Variants in TPR observed in about 807,000 individuals in gnomAD.
TPR encodes the protein translocated promoter region, nuclear basket protein.
A neutral mutation model predicts 316.1 loss-of-function variants in TPR; 51 were observed. The ratio of observed to expected loss-of-function variants is 0.16; its 90% CI spans 0.13 to 0.20. The LOEUF (loss-of-function observed/expected upper bound fraction) is 0.20, where lower values mean the gene tolerates loss of function less well. TPR is among the 10% of genes least tolerant of loss of function. The probability of loss-of-function intolerance (pLI) is 1.00; values close to 1 mark genes in which losing one functional copy is unlikely to be tolerated. For missense variants in TPR, 2,272 were observed against 2,754.8 expected (o/e 0.82, Z 3.92); for synonymous variants, 981 against 914.7 (o/e 1.07, Z -1.31).
At chr1:186,360,659 T>G in intron 10 of TPR, 106 bp downstream of exon 10, 1 of 1,417,874 alleles carries the variant, frequency 7.1e-7, no homozygotes, top group Non-Finnish European at 9.6e-7. Flanking sequence ...CGATGGAGTT[T>G]CCTACATCAC....
intron 37 of TPR, among the ~76,000 whole-genome samples, chr1:186,332,914 A>T (rs534072711): frequency 2.6e-5 from 4 of 152,170 alleles, no homozygotes; most frequent in Non-Finnish European, 5.9e-5. Context: ...AAATGTTAGT[A>T]ATATATTCAT....
chr1:186,349,389 T>C (rs1392866069), intron 21 of TPR, among the ~76,000 whole-genome samples: 10 of 152,094 alleles, frequency 6.6e-5, no homozygotes, highest in Non-Finnish European at 1.0e-4. Context: ...CGCTGTGGCT[T>C]ACGCCTGTAA....
chr1:186,374,030 T>C (rs1226079523), intron 1 of TPR, among the ~76,000 whole-genome samples: 1 of 152,240 alleles, frequency 6.6e-6, no homozygotes, highest in Non-Finnish European at 1.5e-5. Context: ...TATACTCAGC[T>C]CTGGGATCAG....
chr1:186,315,232 A>AC (rs1334681707), intron 49 of TPR, among the ~76,000 whole-genome samples: 1 of 151,812 alleles, frequency 6.6e-6, no homozygotes, highest in East Asian at 1.9e-4. Flanking sequence ...AAACAAACAA[A>AC]AAAAAAACAC....
chr1:186,342,181 G>GCC (rs1658529622), intron 27 of TPR: 1 of 152,234 alleles, frequency 6.6e-6, no homozygotes, highest in Admixed American at 6.6e-5. Context: ...CACCGTGTTA[G>GCC]CCAGGATGGT....
In TPR at chr1:186,312,038, CCATT is replaced by C. The variant is rs1657285288; in HGVS notation, c.*1929_*1932del. On this transcript the variant is annotated 3_prime_UTR_variant, in exon 51 of 51. Coordinates refer to ENST00000367478, the MANE Select transcript of TPR (RefSeq NM_003292.3). ...TTTTTATAATACCCTTGACTAATAG[CCATT>C]ATTAATATCAATATATTATATGAAA... The C allele has an allele frequency of 3.0e-6, 2 of 672,208 alleles. No homozygotes were observed. Among genetic ancestry groups the C allele is most frequent in the Non-Finnish European group, 5.0e-6 (2 of 396,114 alleles). The allele number at this position is 672,208 out of a possible 1,614,324, so 41.6% of individuals were successfully genotyped here. A position where few individuals can be genotyped will look rare whatever the true frequency, so the allele number is the denominator to read the frequency against.
At position 186,355,648 on chromosome 1, in the gene TPR, G is replaced by A; in HGVS notation, c.2009C>T (p.Ala670Val). 6.2e-7 allele frequency: 1 copy of A among 1,614,112 alleles called. No individual in the cohort carries two copies. Among genetic ancestry groups the A allele is most frequent in the East Asian group, 2.2e-5 (1 of 44,858 alleles). ...TGTGATCTTTACCTGTTTAAGGGCA[G>A]CCTTAGCCTCTATAGCCTCTGTTGA... ...IESTEAIEAKAALKQLQEIFE... is the reference protein window; with the variant it reads ...IESTEAIEAKVALKQLQEIFE... Residue 670 changes from alanine to valine, a missense_variant, in exon 16 of 51, where the codon GCT becomes GTT. Transcript: ENST00000367478.
intron 27 of TPR, 158 bp downstream of exon 27, chr1:186,343,168 C>CTATACTA: frequency 1.1e-6 from 1 of 919,852 alleles, no homozygotes; most frequent in East Asian, 2.8e-5. Context: ...CTTTTAAGCA[C>CTATACTA]TATACTATAT....
At chr1:186,366,841 ACTAT>A (rs1659359426) in intron 4 of TPR, among the ~76,000 whole-genome samples, 2 of 151,956 alleles carry the variant, frequency 1.3e-5, no homozygotes, top group African/African-American at 2.4e-5. Context: ...TTTTTAAAAA[ACTAT>A]CTATTAAATA....
At chr1:186,325,884 CAAATA>C in intron 41 of TPR, 30 bp from the exon 42 acceptor site, 1 of 1,599,598 alleles carries the variant, frequency 6.3e-7, no homozygotes, top group African/African-American at 1.3e-5. Flanking sequence ...ACATAATGCT[CAAATA>C]AAATAAATAT....
chr1:186,365,526 C>G lies in TPR; in HGVS notation c.428-2081G>C, dbSNP rs143412995. On this transcript the variant is annotated intron_variant, in intron 4 of 50. Transcript: ENST00000367478. ...CATGTTTCTAATTCAGCCTTTAGAT[C>G]AGGAGTCATAAGGACCTTTACGGCT... Among the ~76,000 whole-genome samples, 6 of 152,222 alleles carry G rather than the reference C, an allele frequency of 3.9e-5. No individual in the cohort carries two copies. The East Asian group carries it at 1.2e-3, about 29-fold the overall frequency.
Position 186,334,427 on chromosome 1 carries a change from T to A in TPR, c.5080A>T (p.Arg1694Trp). 6.2e-7 allele frequency: 1 copy of A among 1,613,738 alleles called. No individual in the cohort carries two copies. The highest frequency in any genetic ancestry group is 8.5e-7 in the Non-Finnish European group (1 of 1,179,762). ...AAMAGNKSTP[R>W]ASIRPMVTPA... ...GTAACCATTGGGCGGATACTAGCCC[T>A]GGGTGTTGACTTATTTCCAGCCATA... Residue 1694 changes from arginine (R) to tryptophan (W), a missense_variant, in exon 36 of 51, where the codon AGG becomes TGG. This residue lies in a region of TPR where 109 missense variants were observed against 215.3 expected (regional missense o/e 0.51). Coordinates refer to ENST00000367478, the MANE Select transcript of TPR (RefSeq NM_003292.3).
chr1:186,335,126 G>T lies in TPR; in HGVS notation c.4915C>A (p.Pro1639Thr). The T allele has an allele frequency of 1.2e-6, 2 of 1,610,530 alleles. No individual in the cohort carries two copies. The highest frequency in any genetic ancestry group is 1.7e-6 in the Non-Finnish European group (2 of 1,178,804). Reference sequence around the variant, plus strand: ...AATGTGATCTGTCTCTGCTGTTCAGGGACCTATAAAGAGAAAGCTCTTGAT... The same window carrying T: ...AATGTGATCTGTCTCTGCTGTTCAGTGACCTATAAAGAGAAAGCTCTTGAT... The part of the protein sequence containing the change: ...DEPQEPSNKV[P>T]EQQRQITLKT... Residue 1639 changes from proline (P) to threonine (T), a missense_variant, in exon 35 of 51, where the codon CCT becomes ACT. Coordinates refer to ENST00000367478, the MANE Select transcript of TPR (RefSeq NM_003292.3).
rs1340035020 is a variant in TPR at position 186,358,624 on chromosome 1, A to T, written c.1416T>A (p.Thr472=). Residue 472 remains threonine (T), a synonymous_variant, in exon 13 of 51, where the codon ACT becomes ACA. Coordinates refer to ENST00000367478, the MANE Select transcript of TPR (RefSeq NM_003292.3). ...CAGATGATTGCTTGTTGGCTTTATC[A>T]GTGTCCTCCTGCAATCGCTGAATCT... is the stretch of plus-strand genomic sequence containing the variant. ...MKEIQRLQED[T]DKANKQSSVL... The T allele has an allele frequency of 6.2e-7, 1 of 1,612,274 alleles. No individual in the cohort carries two copies.
chr1:186,322,719 C>T (rs1657806435), intron 43 of TPR, 133 bp from the exon 44 acceptor site: 2 of 838,336 alleles, frequency 2.4e-6, no homozygotes, highest in African/African-American at 1.7e-5. Context: ...GACATTTTCC[C>T]AGGAAAACCT....
chr1:186,327,955 T>C (rs1658050738), intron 39 of TPR, among the ~76,000 whole-genome samples: 1 of 152,064 alleles, frequency 6.6e-6, no homozygotes, highest in Non-Finnish European at 1.5e-5. Context: ...GGCTAATTTT[T>C]TGTATTTTTA....
At chr1:186,334,156 A>T (rs1361112825) in intron 36 of TPR, among the ~76,000 whole-genome samples, 169 bp downstream of exon 36, 59 of 152,194 alleles carry the variant, frequency 3.9e-4, no homozygotes. Flanking sequence ...TTGTCATTAC[A>T]AGTGAAAATT....
intron 49 of TPR, 70 bp downstream of exon 49, chr1:186,317,411 TA>T: frequency 8.6e-7 from 1 of 1,163,320 alleles, no homozygotes; most frequent in Non-Finnish European, 1.3e-6. Flanking sequence ...AATTTGTTAC[TA>T]ATAAAGCAGT....
chr1:186,339,677 T>C lies in TPR; in HGVS notation c.4116A>G (p.Thr1372=), dbSNP rs541433904. 38 of 1,590,378 alleles carry C rather than the reference T, an allele frequency of 2.4e-5. No individual in the cohort carries two copies. In the East Asian group the frequency reaches 5.5e-4, roughly 23 times the overall value. The change falls in exon 30 of 51, where the codon ACA becomes ACG. Residue 1372 remains threonine, a synonymous_variant. Transcript: ENST00000367478. ...EVHTKRIQQL[T]EEIGRLKAEI... is the part of the protein sequence containing the mutation. ...CAGCTTTAAGTCTACCAATTTCTTC[T>C]GTCAATTGTTGAATACGCTTAGTAT...
Sources: gnomAD v4.1 joint callset for allele counts (sites outside exome capture counted in the v4.1 genomes callset) on GRCh38, gnomAD v4.1.1 for gene constraint, gnomAD v4.1.1 regional missense constraint, MANE v1.5 for transcripts, NCBI Gene and HGNC (gene_info 2026-07-23, HGNC 2026-07-21) for gene names.